The following NRP1 variants were observed in gnomAD, a reference collection of about 807,000 sequenced individuals.
The protein encoded by NRP1 is neuropilin-1.
A neutral mutation model predicts 106.7 loss-of-function variants in NRP1; 35 were observed. The observed-to-expected ratio is 0.33, with a 90% confidence interval of 0.25 to 0.43. The LOEUF is 0.43. Among genes scored for constraint, NRP1 ranks in the 20% least tolerant of loss-of-function variants. NRP1 has a pLI of 1.00. For missense variants in NRP1, 1,024 were observed against 1,170.4 expected, an observed-to-expected ratio of 0.87 and a Z score of 1.83; for synonymous variants, 437 against 417.9, an observed-to-expected ratio of 1.05 and a Z score of -0.56.
intron 4 of NRP1, among the ~76,000 whole-genome samples, chr10:33,261,785 G>A (rs1842591625): frequency 6.6e-6 from 1 of 152,016 alleles, no homozygotes; most frequent in Admixed American, 6.6e-5. Context: ...CCCCAGGCTG[G>A]AGTGCAGTGG....
chr10:33,290,872 C>T (rs957055697), intron 2 of NRP1, among the ~76,000 whole-genome samples: 1 of 152,118 alleles, frequency 6.6e-6, no homozygotes, highest in Non-Finnish European at 1.5e-5. Context: ...TGCGTGGGGC[C>T]ATTGTTAAAT....
chr10:33,269,651 G>C (rs1431754830), intron 3 of NRP1, among the ~76,000 whole-genome samples: 1 of 152,156 alleles, frequency 6.6e-6, no homozygotes, highest in Admixed American at 6.5e-5. Context: ...ACAGCAGGAG[G>C]CGAGTGGCAG....
chr10:33,187,051 T>A (rs903037822), intron 13 of NRP1, among the ~76,000 whole-genome samples: 5 of 151,720 alleles, frequency 3.3e-5, no homozygotes, highest in Admixed American at 6.6e-5. Flanking sequence ...TTTTTTTTTT[T>A]AAGTAGAGAT....
chr10:33,189,423 T>C (rs1470829984), intron 13 of NRP1, among the ~76,000 whole-genome samples: 1 of 152,216 alleles, frequency 6.6e-6, no homozygotes, highest in Admixed American at 6.5e-5. Flanking sequence ...TTTTACATGG[T>C]CCATTGTCAC....
rs1056967946 is a variant in NRP1 at position 33,253,926 on chromosome 10, T to C, written c.981+102A>G. The C allele has an allele frequency of 3.8e-5, 39 of 1,034,576 alleles. No individual in the cohort carries two copies. In the East Asian group the frequency reaches 8.9e-4, roughly 24 times the overall value. The allele number at this position is 1,034,576 out of a possible 1,614,324, so 64.1% of individuals were successfully genotyped here. A position where few individuals can be genotyped will look rare whatever the true frequency, so the allele number is the denominator to read the frequency against. On this transcript the variant is annotated intron_variant, in intron 6 of 16. Transcript: ENST00000374867. Reference sequence around the variant, plus strand: ...ACCTGATGGCCGTGAACCTATCTTCTCATTGGAGGCCATTTGGCACAGTAC... The same window carrying C: ...ACCTGATGGCCGTGAACCTATCTTCCCATTGGAGGCCATTTGGCACAGTAC...
At chr10:33,245,760 C>T (rs1197149869) in intron 6 of NRP1, among the ~76,000 whole-genome samples, 1 of 145,518 alleles carries the variant, frequency 6.9e-6, no homozygotes, top group Non-Finnish European at 1.5e-5. Flanking sequence ...TGCCTGTATC[C>T]CTTTTAGTCT....
In NRP1 at chr10:33,180,276, G is replaced by C; in HGVS notation, c.2572C>G (p.Leu858Val). The part of the protein sequence containing the change: ...GNVLKTLDPI[L>V]ITIIAMSALG... ...GCACTCATGGCTATGATGGTGATGA[G>C]GATGGGGTCTAAGGTCTTCAACACA... The change falls in exon 17 of 17, where the codon CTC becomes GTC. Residue 858 changes from leucine to valine, a missense_variant. Around this residue, in one of 5 missense-constraint regions of NRP1, gnomAD observed 164 missense variants for 161.4 expected, o/e 1.02. Transcript: ENST00000374867. 6.2e-7 allele frequency: 1 copy of C among 1,614,112 alleles called. No homozygotes were observed. Among genetic ancestry groups the C allele is most frequent in the South Asian group, 1.1e-5 (1 of 91,074 alleles).
chr10:33,325,866 A>G (rs1288053668), intron 2 of NRP1, among the ~76,000 whole-genome samples: 1 of 152,214 alleles, frequency 6.6e-6, no homozygotes, highest in Non-Finnish European at 1.5e-5. Context: ...TCATAGTTGA[A>G]AAAAGCAACT....
Position 33,254,161 on chromosome 10 carries a change from G to A in NRP1, c.848C>T (p.Ser283Leu). The A allele has an allele frequency of 6.2e-7, 1 of 1,613,072 alleles. No homozygotes were observed. Among genetic ancestry groups the A allele is most frequent in the South Asian group, 1.1e-5 (1 of 90,866 alleles). Reference sequence around the variant, plus strand: ...GATCTGGTCAGAATGAATTTCTCCTGATTCCATGCCCAGAGCTTCCATACA... The same window carrying A: ...GATCTGGTCAGAATGAATTTCTCCTAATTCCATGCCCAGAGCTTCCATACA... ...FKCMEALGME[S>L]GEIHSDQITA... Residue 283 changes from serine (S) to leucine (L), a missense_variant, in exon 6 of 17, where the codon TCA (serine) becomes TTA (leucine). Physicochemically the swap from Ser to Leu is moderately radical, Grantham distance 145 (BLOSUM62 -2). Around this residue, in one of 5 missense-constraint regions of NRP1, gnomAD observed 562 missense variants for 620.3 expected, o/e 0.91. Transcript: ENST00000374867.
intron 6 of NRP1, among the ~76,000 whole-genome samples, chr10:33,235,747 T>C (rs1840503645): frequency 6.6e-6 from 1 of 152,246 alleles, no homozygotes; most frequent in Non-Finnish European, 1.5e-5. Flanking sequence ...GGGGTTTCTA[T>C]ACACTCTGAA....
intron 2 of NRP1, among the ~76,000 whole-genome samples, chr10:33,330,275 T>C (rs980604429): frequency 1.1e-4 from 17 of 152,216 alleles, no homozygotes; most frequent in Admixed American, 6.5e-4. Context: ...CAGTTCAATA[T>C]ATCTCAAATA....
At position 33,334,072 on chromosome 10, in the gene NRP1, T is replaced by C. The variant is rs111461176; in HGVS notation, c.73+238A>G. The stretch of plus-strand genomic sequence containing the variant: ...AGACAGCTCTGTCTTGTAACAGAGG[T>C]AAGGAAAAGCCCCACAGCCCAAGGA... On this transcript the variant is annotated intron_variant, in intron 1 of 16. Coordinates refer to ENST00000374867, the MANE Select transcript of NRP1 (RefSeq NM_003873.7). Among the ~76,000 whole-genome samples, 640 of 152,212 alleles carry C rather than the reference T, an allele frequency of 4.2e-3. 4 individuals carry two copies. The highest frequency in any genetic ancestry group is 0.014 in the African/African-American group (601 of 41,540).
intron 2 of NRP1, among the ~76,000 whole-genome samples, chr10:33,299,303 T>C (rs2132688592): frequency 6.6e-6 from 1 of 151,776 alleles, no homozygotes; most frequent in Middle Eastern, 3.4e-3. Flanking sequence ...CAAGCAGGAG[T>C]CCATCAGCAC....
intron 7 of NRP1, among the ~76,000 whole-genome samples, chr10:33,225,911 G>A (rs1839625934): frequency 6.6e-6 from 1 of 152,198 alleles, no homozygotes; most frequent in Admixed American, 6.5e-5. Flanking sequence ...ACTTAATTTG[G>A]CCTGTATTGA....
chr10:33,316,556 A>G (rs1382289294), intron 2 of NRP1, among the ~76,000 whole-genome samples: 1 of 152,246 alleles, frequency 6.6e-6, no homozygotes, highest in Non-Finnish European at 1.5e-5. Flanking sequence ...AAGATCAAAA[A>G]GCTTATTCAG....
chr10:33,245,110 G>A (rs11009315), intron 6 of NRP1, among the ~76,000 whole-genome samples: 9,185 of 152,204 alleles, frequency 0.06, 833 homozygotes, highest in African/African-American at 0.2. Context: ...AAAGAACTAC[G>A]GTTCTGTTCA....
At chr10:33,263,049 T>C (rs945115552) in intron 4 of NRP1, among the ~76,000 whole-genome samples, 2 of 152,198 alleles carry the variant, frequency 1.3e-5, no homozygotes, top group Non-Finnish European at 2.9e-5. Flanking sequence ...TGACTATAAA[T>C]GATGTATTGA....
chr10:33,210,925 T>G (rs1429125803), intron 9 of NRP1, among the ~76,000 whole-genome samples: 4 of 152,214 alleles, frequency 2.6e-5, no homozygotes, highest in Non-Finnish European at 4.4e-5. Context: ...TTTTTCGTCT[T>G]AGAGATTTTA....
At chr10:33,191,727 C>A (rs61760430) in intron 13 of NRP1, among the ~76,000 whole-genome samples, 9,136 of 151,950 alleles carry the variant, frequency 0.06, 904 homozygotes, top group African/African-American at 0.21. Context: ...ACCTATAATC[C>A]CAGCACTTTG....
Sources: allele counts gnomAD v4.1 joint callset (sites outside exome capture counted in the v4.1 genomes callset), GRCh38; gene constraint gnomAD v4.1.1; regional missense constraint gnomAD v4.1.1; transcripts MANE v1.5; gene names NCBI Gene and HGNC (gene_info 2026-07-23, HGNC 2026-07-21).